MLLT3: variants seen among roughly 807,000 people sequenced by gnomAD.
MLLT3 encodes protein AF-9.
In MLLT3, 4 loss-of-function variants were observed where a neutral mutation model predicts 53.2. That is an observed-to-expected ratio of 0.08 (90% CI 0.04 to 0.17). MLLT3 has a LOEUF of 0.17. Ranked by LOEUF, MLLT3 falls within the 10% of genes least tolerant of loss-of-function variation. The probability of loss-of-function intolerance (pLI) is 1.00; values close to 1 mark genes in which losing one functional copy is unlikely to be tolerated. For missense variants in MLLT3, 569 were observed against 684.0 expected, an observed-to-expected ratio of 0.83 and a Z score of 1.87; for synonymous variants, 283 against 230.6, an observed-to-expected ratio of 1.23 and a Z score of -2.06.
At position 20,414,181 on chromosome 9, in the gene MLLT3, G is replaced by A; in HGVS notation, c.665C>T (p.Ser222Phe). The A allele has an allele frequency of 6.2e-7, 1 of 1,614,164 alleles. No individual in the cohort carries two copies. The highest frequency in any genetic ancestry group is 8.5e-7 in the Non-Finnish European group (1 of 1,180,016). ...TTTGGAAGATTTGTTGTGATCCCTG[G>A]AAGGTTCTTTGAAGGCACTTTTATG... is the stretch of plus-strand genomic sequence containing the variant. ...REHKSAFKEPSRDHNKSSKES... is the reference protein window; with the variant it reads ...REHKSAFKEPFRDHNKSSKES... The change falls in exon 5 of 11, where the codon TCC becomes TTC. Residue 222 changes from serine to phenylalanine, a missense_variant. This residue lies in a region of MLLT3 where 437 missense variants were observed against 376.5 expected (regional missense o/e 1.16). Transcript: ENST00000380338.
At chr9:20,386,411 C>A (rs1822037429) in intron 5 of MLLT3, among the ~76,000 whole-genome samples, 1 of 152,212 alleles carries the variant, frequency 6.6e-6, no homozygotes, top group Non-Finnish European at 1.5e-5. Context: ...CAAAGTCTGA[C>A]AAGTTAGCCT....
intron 4 of MLLT3, among the ~76,000 whole-genome samples, chr9:20,435,045 CT>C (rs1286744792): frequency 3.3e-5 from 5 of 152,046 alleles, no homozygotes; most frequent in Non-Finnish European, 7.4e-5. Flanking sequence ...CATCCTTAGT[CT>C]TTAGAGACTC....
Position 20,346,254 on chromosome 9 carries a change from A to G in MLLT3, c.*189T>C, listed in dbSNP as rs1424404916. 2.2e-5 allele frequency: 13 copies of G among 593,360 alleles called. No individual in the cohort carries two copies. Among genetic ancestry groups the G allele is most frequent in the Non-Finnish European group, 3.3e-5 (12 of 365,050 alleles). 36.8% of individuals were successfully genotyped at this position (593,360 alleles called of 1,614,324 possible). A position where few individuals can be genotyped will look rare whatever the true frequency, so the allele number is the denominator to read the frequency against. On this transcript the variant is annotated 3_prime_UTR_variant, in exon 11 of 11. Transcript: ENST00000380338. The stretch of plus-strand genomic sequence containing the variant: ...GCTGGTTTGCTTTAACCTCTCCTTT[A>G]TCAAGAGATGATGACTGGCTTTAAA...
chr9:20,517,923 G>T (rs1192789617), intron 2 of MLLT3, among the ~76,000 whole-genome samples: 1 of 152,184 alleles, frequency 6.6e-6, no homozygotes, highest in East Asian at 1.9e-4. Flanking sequence ...TTGTCAGAAG[G>T]CATAGAAGGC....
intron 2 of MLLT3, among the ~76,000 whole-genome samples, chr9:20,528,100 G>A (rs1434490310): frequency 6.6e-6 from 1 of 152,172 alleles, no homozygotes; most frequent in Non-Finnish European, 1.5e-5. Context: ...CATTAACTGT[G>A]TTCTTCTGCC....
intron 2 of MLLT3, among the ~76,000 whole-genome samples, chr9:20,525,856 T>C (rs1587026221): frequency 1.3e-5 from 2 of 152,208 alleles, no homozygotes; most frequent in East Asian, 3.8e-4. Flanking sequence ...AGCCTGACCC[T>C]CTAAATTTAC....
chr9:20,593,948 T>C (rs1209775730), intron 2 of MLLT3, among the ~76,000 whole-genome samples: 1 of 151,832 alleles, frequency 6.6e-6, no homozygotes, highest in Non-Finnish European at 1.5e-5. Context: ...CTCATTTTTT[T>C]TTTTTTTTCT....
At chr9:20,601,009 AG>A (rs1325918094) in intron 2 of MLLT3, among the ~76,000 whole-genome samples, 1 of 152,232 alleles carries the variant, frequency 6.6e-6, no homozygotes, top group Non-Finnish European at 1.5e-5. Flanking sequence ...ATAAAAAAAA[AG>A]TGTAGTCAAT....
At chr9:20,616,911 T>A (rs1376695521) in intron 2 of MLLT3, among the ~76,000 whole-genome samples, 1 of 152,196 alleles carries the variant, frequency 6.6e-6, no homozygotes, top group Non-Finnish European at 1.5e-5. Context: ...CTAAACAGTA[T>A]AAACATTAAA....
chr9:20,504,879 ATTTT>A (rs545500918), intron 2 of MLLT3, among the ~76,000 whole-genome samples: 4 of 152,094 alleles, frequency 2.6e-5, no homozygotes, highest in Non-Finnish European at 5.9e-5. Flanking sequence ...TTAAAAAATT[ATTTT>A]TTTAAGTAGA....
chr9:20,527,733 C>T (rs1166992882), intron 2 of MLLT3, among the ~76,000 whole-genome samples: 1 of 152,152 alleles, frequency 6.6e-6, no homozygotes, highest in Non-Finnish European at 1.5e-5. Flanking sequence ...AATGTTTGGT[C>T]TTCTTATATA....
At chr9:20,604,428 G>A (rs1337895127) in intron 2 of MLLT3, among the ~76,000 whole-genome samples, 1 of 151,942 alleles carries the variant, frequency 6.6e-6, no homozygotes, top group Non-Finnish European at 1.5e-5. Flanking sequence ...ACTTTAAACA[G>A]TCTAAGCTGA....
chr9:20,354,684 G>C (rs1410503032), intron 9 of MLLT3, 124 bp downstream of exon 9: 2 of 665,698 alleles, frequency 3.0e-6, no homozygotes, highest in South Asian at 3.7e-5. Flanking sequence ...CTCATCATTT[G>C]GGCATCTTGG....
At chr9:20,582,779 A>C (rs1307118699) in intron 2 of MLLT3, among the ~76,000 whole-genome samples, 1 of 152,136 alleles carries the variant, frequency 6.6e-6, no homozygotes, top group African/African-American at 2.4e-5. Flanking sequence ...ATAACACAGG[A>C]AAGACCGGCC....
chr9:20,346,314 T>G lies in MLLT3; in HGVS notation c.*129A>C. The G allele has an allele frequency of 1.0e-6, 1 of 955,208 alleles. No homozygotes were observed. Among genetic ancestry groups the G allele is most frequent in the East Asian group, 2.7e-5 (1 of 36,512 alleles). 59.2% of individuals were successfully genotyped at this position (955,208 alleles called of 1,614,324 possible). A position where few individuals can be genotyped will look rare whatever the true frequency, so the allele number is the denominator to read the frequency against. The stretch of plus-strand genomic sequence containing the variant: ...AGCTGAAGGTTGTTTGATTTTTATT[T>G]TTTCCCTTTTGGTTGCATCATTTTG... On this transcript the variant is annotated 3_prime_UTR_variant, in exon 11 of 11. Coordinates refer to ENST00000380338, the MANE Select transcript of MLLT3 (RefSeq NM_004529.4).
chr9:20,378,279 CTG>C (rs1821823108), intron 5 of MLLT3, among the ~76,000 whole-genome samples: 1 of 151,968 alleles, frequency 6.6e-6, no homozygotes, highest in Admixed American at 6.6e-5. Flanking sequence ...AATACCAACT[CTG>C]TAAGTTTTAA....
Position 20,621,769 on chromosome 9 carries a change from G to A in MLLT3, c.12+476C>T. On this transcript the variant is annotated intron_variant, in intron 1 of 10. Transcript: ENST00000380338. This position sits in a 1 kb window ranked among gnomAD's most constrained non-coding sequence, Gnocchi z 7.0. ...CTCACACACGCGCGCCGCGGAGAAC[G>A]CACCATCGTAGCGGCCGCGGCGCTT... The A allele has an allele frequency of 2.7e-6, 4 of 1,486,020 alleles. No homozygotes were observed. The highest frequency in any genetic ancestry group is 2.9e-5 in the East Asian group (1 of 35,040). The allele number at this position is 1,486,020 out of a possible 1,614,324, so 92.1% of individuals were successfully genotyped here. A position where few individuals can be genotyped will look rare whatever the true frequency, so the allele number is the denominator to read the frequency against.
chr9:20,583,990 A>G (rs1819878531), intron 2 of MLLT3, among the ~76,000 whole-genome samples: 1 of 152,144 alleles, frequency 6.6e-6, no homozygotes, highest in Non-Finnish European at 1.5e-5. Context: ...TCAGGCTGCA[A>G]ATTTTTGAAA....
chr9:20,417,058 G>C, intron 4 of MLLT3, among the ~76,000 whole-genome samples: 1 of 150,842 alleles, frequency 6.6e-6, no homozygotes, highest in East Asian at 1.9e-4. Flanking sequence ...TGGGGGTCTT[G>C]TCACCAGTCT....
Sources: gnomAD v4.1 joint callset for allele counts (sites outside exome capture counted in the v4.1 genomes callset) on GRCh38, gnomAD v4.1.1 for gene constraint, gnomAD v4.1.1 regional missense constraint, Gnocchi (gnomAD v3.1) non-coding constraint, MANE v1.5 for transcripts, NCBI Gene and HGNC (gene_info 2026-07-23, HGNC 2026-07-21) for gene names.